The following TENM2 variants were observed in gnomAD, a reference collection of about 807,000 sequenced individuals.
TENM2 encodes the protein teneurin transmembrane protein 2.
TENM2 carries 52 observed loss-of-function variants against 245.2 expected under a neutral mutation model. That is an observed-to-expected ratio of 0.21 (90% CI 0.17 to 0.27). The LOEUF is 0.27. Among genes scored for constraint, TENM2 ranks in the 10% least tolerant of loss-of-function variants. TENM2 has a pLI of 1.00. For synonymous variants in TENM2, 1,363 were observed against 1,438.9 expected, an observed-to-expected ratio of 0.95 and a Z score of 1.19; for missense variants, 3,046 against 3,666.8, an observed-to-expected ratio of 0.83 and a Z score of 4.37.
chr5:167,688,531 G>A (rs935609770), intron 2 of TENM2, among the ~76,000 whole-genome samples: 1 of 152,152 alleles, frequency 6.6e-6, no homozygotes, highest in African/African-American at 2.4e-5. Context: ...AAAACAGATT[G>A]CATGTTGCAA....
chr5:167,699,688 T>C (rs1049500809), intron 2 of TENM2, among the ~76,000 whole-genome samples: 1 of 152,222 alleles, frequency 6.6e-6, no homozygotes, highest in African/African-American at 2.4e-5. Flanking sequence ...GCAGCTTAAG[T>C]GGCTTCTGAA....
At chr5:167,394,703 C>A (rs1454722304) in intron 2 of TENM2, among the ~76,000 whole-genome samples, 2 of 152,084 alleles carry the variant, frequency 1.3e-5, no homozygotes, top group African/African-American at 4.8e-5. Context: ...TCAAGTGATT[C>A]TCCTGCCTCA....
At chr5:167,018,929 T>C in the TENM2 span, among the ~76,000 whole-genome samples, 1 of 152,176 alleles carries the variant, frequency 6.6e-6, no homozygotes, top group Non-Finnish European at 1.5e-5. Flanking sequence ...TAGAATCAAA[T>C]GAGAGAATAC....
the TENM2 span, among the ~76,000 whole-genome samples, chr5:167,117,263 G>T: frequency 6.6e-6 from 1 of 152,172 alleles, no homozygotes; most frequent in Admixed American, 6.5e-5. Context: ...CAGCACTTTG[G>T]GAGGCCCAGG....
At chr5:168,226,568 C>T (rs1166753144) in intron 24 of TENM2, among the ~76,000 whole-genome samples, 1 of 152,120 alleles carries the variant, frequency 6.6e-6, no homozygotes, top group African/African-American at 2.4e-5. Flanking sequence ...CTACCTCTTA[C>T]CCTTCCATCA....
At chr5:167,340,464 A>T (rs1758028786) in intron 1 of TENM2, among the ~76,000 whole-genome samples, 2 of 152,218 alleles carry the variant, frequency 1.3e-5, no homozygotes, top group South Asian at 4.1e-4. Flanking sequence ...TCTCTCCATG[A>T]CTTGCAAATG....
intron 1 of TENM2, among the ~76,000 whole-genome samples, chr5:167,342,059 G>C (rs1210701250): frequency 6.6e-6 from 1 of 152,098 alleles, no homozygotes; most frequent in Admixed American, 6.5e-5. Flanking sequence ...CAATTGTCCA[G>C]GTTGCTAACA....
chr5:167,030,224 G>A, the TENM2 span, among the ~76,000 whole-genome samples: 1 of 152,160 alleles, frequency 6.6e-6, no homozygotes, highest in East Asian at 1.9e-4. Flanking sequence ...TTCTCCTTAG[G>A]CAACAGACGC....
intron 5 of TENM2, among the ~76,000 whole-genome samples, chr5:168,014,066 A>G (rs1785473504): frequency 6.6e-6 from 1 of 152,218 alleles, no homozygotes. Context: ...GATTATCTGC[A>G]AAGACCTGAT....
intron 2 of TENM2, among the ~76,000 whole-genome samples, chr5:167,404,880 T>G (rs1762547620): frequency 6.6e-6 from 1 of 152,144 alleles, no homozygotes; most frequent in Non-Finnish European, 1.5e-5. Flanking sequence ...CACAATCAAT[T>G]TTAGAGTATT....
At chr5:167,446,555 C>G (rs1215731837) in intron 2 of TENM2, among the ~76,000 whole-genome samples, 1 of 152,120 alleles carries the variant, frequency 6.6e-6, no homozygotes, top group African/African-American at 2.4e-5. Context: ...TATAAGAAGT[C>G]CAGAAAACTA....
intron 2 of TENM2, among the ~76,000 whole-genome samples, chr5:167,765,786 G>A (rs1053225180): frequency 1.3e-5 from 2 of 152,216 alleles, no homozygotes; most frequent in East Asian, 3.9e-4. Flanking sequence ...TATATGCACC[G>A]GACACATTCT....
chr5:167,448,013 G>A (rs1488287441), intron 2 of TENM2, among the ~76,000 whole-genome samples: 1 of 152,108 alleles, frequency 6.6e-6, no homozygotes, highest in Non-Finnish European at 1.5e-5. Context: ...TGCCAGGTAT[G>A]GGTAGTGGAA....
At chr5:167,246,044 AGTTAC>A in the TENM2 span, among the ~76,000 whole-genome samples, 1 of 152,094 alleles carries the variant, frequency 6.6e-6, no homozygotes, top group Non-Finnish European at 1.5e-5. Flanking sequence ...CAGTGAGATG[AGTTAC>A]TCCTCCTCTC....
intron 2 of TENM2, among the ~76,000 whole-genome samples, chr5:167,782,889 C>T (rs1764293577): frequency 6.6e-6 from 1 of 152,186 alleles, no homozygotes; most frequent in African/African-American, 2.4e-5. Context: ...TCCATGAACA[C>T]AGGCCTGCTC....
the TENM2 span, among the ~76,000 whole-genome samples, chr5:166,996,493 A>G: frequency 6.6e-6 from 1 of 152,266 alleles, no homozygotes; most frequent in Non-Finnish European, 1.5e-5. Flanking sequence ...CCACTACAAC[A>G]GCAGTGTTAA....
At chr5:168,234,262 T>G (rs1481313455) in intron 25 of TENM2, among the ~76,000 whole-genome samples, 2 of 152,068 alleles carry the variant, frequency 1.3e-5, no homozygotes, top group African/African-American at 4.8e-5. Context: ...CATTTCTATT[T>G]TTCATAAAAT....
intron 2 of TENM2, among the ~76,000 whole-genome samples, chr5:167,724,886 C>T (rs1310666130): frequency 1.3e-5 from 2 of 152,172 alleles, no homozygotes; most frequent in Non-Finnish European, 2.9e-5. Flanking sequence ...GACATAAGCA[C>T]AGGCTGGATT....
chr5:167,347,653 ATCCT>A lies in TENM2; in HGVS notation c.227-27532_227-27529del, dbSNP rs199948480. On this transcript the variant is annotated intron_variant, in intron 1 of 28. Coordinates refer to ENST00000518659, the Ensembl canonical transcript of TENM2. ...ACTTCTAAACCTCCTTCTTCCTTCC[ATCCT>A]TCCTTCCTTCCTACTTTATTTTTTT... Among the ~76,000 whole-genome samples the A allele has an allele frequency of 6.6e-3, 1,006 of 151,402 alleles. 14 individuals are homozygous for A. The highest frequency in any genetic ancestry group is 0.023 in the African/African-American group (968 of 41,284).
Sources: allele counts gnomAD v4.1 joint callset (sites outside exome capture counted in the v4.1 genomes callset), GRCh38; gene constraint gnomAD v4.1.1; transcripts MANE v1.5; gene names NCBI Gene and HGNC (gene_info 2026-07-23, HGNC 2026-07-21).